Variants in SOX6 observed in about 807,000 individuals in gnomAD.
SOX6 encodes SRY-box transcription factor 6.
A neutral mutation model predicts 97.8 loss-of-function variants in SOX6; 11 were observed. The observed-to-expected ratio is 0.11, with a 90% CI of 0.07 to 0.19. The LOEUF (loss-of-function observed/expected upper bound fraction) is 0.19. Among genes scored for constraint, SOX6 ranks in the 10% least tolerant of loss-of-function variants. The pLI is 1.00. For synonymous variants in SOX6, 360 were observed against 371.4 expected, an observed-to-expected ratio of 0.97 and a Z score of 0.35; for missense variants, 810 against 1,039.5, an observed-to-expected ratio of 0.78 and a Z score of 3.04.
chr11:16,737,756 C>G (rs1177031908), intron 1 of SOX6, among the ~76,000 whole-genome samples: 4 of 152,050 alleles, frequency 2.6e-5, no homozygotes, highest in Non-Finnish European at 5.9e-5. Flanking sequence ...TGCTAACGGG[C>G]ATTGGGGTTC....
At chr11:16,118,569 T>C (rs1168058292) in intron 6 of SOX6, among the ~76,000 whole-genome samples, 1 of 152,226 alleles carries the variant, frequency 6.6e-6, no homozygotes, top group East Asian at 1.9e-4. Context: ...ACTGGCCTGA[T>C]ATCTTGTGAG....
intron 3 of SOX6, among the ~76,000 whole-genome samples, chr11:16,640,358 G>C (rs1486591067): frequency 2.0e-5 from 3 of 152,148 alleles, no homozygotes; most frequent in African/African-American, 7.2e-5. Context: ...CAGGGATATT[G>C]GTCTAAAATT....
rs962682835 is a variant in SOX6, at chr11:15,972,634, C to T, written c.*175G>A. On this transcript the variant is annotated 3_prime_UTR_variant, in exon 16 of 16. Coordinates refer to ENST00000683767, the MANE Select transcript of SOX6 (RefSeq NM_001367873.1). The stretch of plus-strand genomic sequence containing the variant: ...CAACAATAACAATAACAACAAAAAA[C>T]TCAAGTTCATGAAAAATCAGGGAAA... 1 of 678,098 alleles carries T rather than the reference C, an allele frequency of 1.5e-6. No individual in the cohort carries two copies. Among genetic ancestry groups the T allele is most frequent in the Admixed American group, 2.9e-5 (1 of 34,896 alleles). The allele number at this position is 678,098 out of a possible 1,614,324, so 42.0% of individuals were successfully genotyped here.
intron 15 of SOX6, among the ~76,000 whole-genome samples, chr11:15,982,374 A>G (rs568652731): frequency 1.3e-5 from 2 of 152,198 alleles, no homozygotes; most frequent in South Asian, 4.1e-4. Context: ...CACTCAGCAG[A>G]GTACACAGCA....
chr11:16,467,443 A>G (rs1450883534), intron 1 of SOX6, among the ~76,000 whole-genome samples: 1 of 152,238 alleles, frequency 6.6e-6, no homozygotes. Context: ...CACACTATGG[A>G]ATACTATGCA....
At chr11:16,352,887 TG>T (rs1036129258) in intron 1 of SOX6, among the ~76,000 whole-genome samples, 6 of 152,060 alleles carry the variant, frequency 3.9e-5, no homozygotes, top group African/African-American at 1.4e-4. Flanking sequence ...ACTGTCATTC[TG>T]GGCAATTTGA....
chr11:16,095,849 G>C, intron 9 of SOX6, 147 bp downstream of exon 9: 1 of 914,126 alleles, frequency 1.1e-6, no homozygotes, highest in Non-Finnish European at 1.6e-6. Flanking sequence ...CAAAAGAAGA[G>C]CCTCCTTAGG....
chr11:16,190,090 A>G (rs1182252299), intron 4 of SOX6, among the ~76,000 whole-genome samples: 1 of 152,202 alleles, frequency 6.6e-6, no homozygotes, highest in Admixed American at 6.5e-5. Context: ...AAAGATTTAT[A>G]AATGCATTGG....
chr11:16,486,861 C>G (rs1339278608), intron 4 of SOX6, among the ~76,000 whole-genome samples: 1 of 151,698 alleles, frequency 6.6e-6, no homozygotes, highest in African/African-American at 2.4e-5. Flanking sequence ...ATTAAATGTG[C>G]ACATGTACCC....
intron 6 of SOX6, among the ~76,000 whole-genome samples, chr11:16,182,730 C>A (rs1190605266): frequency 1.3e-5 from 2 of 151,764 alleles, no homozygotes; most frequent in Non-Finnish European, 2.9e-5. Context: ...AATAGCTGGA[C>A]AAAATGCCAA....
Position 16,377,257 on chromosome 11 carries a change from G to A in SOX6, c.-4-36005C>T, listed in dbSNP as rs77926809. Among the ~76,000 whole-genome samples, 31 of 152,164 alleles carry A rather than the reference G, an allele frequency of 2.0e-4. No individual in the cohort carries two copies. In the East Asian group the frequency reaches 4.4e-3, roughly 22 times the overall value. ...AAACTGCAGGAACCAGGGTAAAGCC[G>A]TTTACCTGTTAGCTTCTTACTGTAC... On this transcript the variant is annotated intron_variant, in intron 1 of 15. Coordinates refer to the SOX6 transcript ENST00000396356.
chr11:16,604,960 C>T (rs1035410496), intron 4 of SOX6, among the ~76,000 whole-genome samples: 13 of 152,150 alleles, frequency 8.5e-5, no homozygotes, highest in African/African-American at 2.7e-4. Flanking sequence ...TCAGCAGCCC[C>T]GGGCCGCTCC....
intron 12 of SOX6, among the ~76,000 whole-genome samples, chr11:16,038,091 C>A (rs1855563860): frequency 1.3e-5 from 2 of 152,050 alleles, no homozygotes; most frequent in South Asian, 2.1e-4. Flanking sequence ...ATTGACATAG[C>A]ATTTATGTTG....
intron 2 of SOX6, among the ~76,000 whole-genome samples, chr11:16,720,732 AAAAG>A (rs1428937198): frequency 1.3e-5 from 2 of 152,174 alleles, no homozygotes; most frequent in African/African-American, 2.4e-5. Context: ...AAAAGAAAAA[AAAAG>A]AAATACTGAT....
At chr11:16,037,640 G>A (rs1357898546) in intron 12 of SOX6, among the ~76,000 whole-genome samples, 4 of 152,112 alleles carry the variant, frequency 2.6e-5, no homozygotes, top group African/African-American at 7.2e-5. Context: ...GGACACCAAG[G>A]CTCAAGGAAG....
At chr11:16,703,386 G>A (rs572597522) in intron 3 of SOX6, among the ~76,000 whole-genome samples, 11 of 151,808 alleles carry the variant, frequency 7.2e-5, no homozygotes, top group South Asian at 2.1e-4. Context: ...TTAAATTTTC[G>A]TTTAACTAAA....
intron 4 of SOX6, among the ~76,000 whole-genome samples, chr11:16,561,649 T>C (rs551906115): frequency 6.6e-6 from 1 of 152,286 alleles, no homozygotes; most frequent in South Asian, 2.1e-4. Flanking sequence ...GGCAGGAGTT[T>C]TCAATGTATG....
rs190910040 is a variant in SOX6 at position 16,728,111 on chromosome 11, C to T, written n.353+8228G>A. Reference sequence around the variant, plus strand: ...AGTGAGGGGCTTATAGATAAAATTCCCATCTCCCTGGGACAGAACACCTGG... The same window carrying T: ...AGTGAGGGGCTTATAGATAAAATTCTCATCTCCCTGGGACAGAACACCTGG... On this transcript the variant is annotated intron_variant and non_coding_transcript_variant, in intron 2 of 5. Transcript: ENST00000524520. Among the ~76,000 whole-genome samples, 470 of 152,270 alleles carry T rather than the reference C, an allele frequency of 3.1e-3. 1 individual carries two copies. The highest frequency in any genetic ancestry group is 6.8e-3 in the Middle Eastern group (2 of 294).
chr11:16,400,134 G>C (rs1449603731), intron 1 of SOX6, among the ~76,000 whole-genome samples: 1 of 151,298 alleles, frequency 6.6e-6, no homozygotes, highest in African/African-American at 2.4e-5. Flanking sequence ...CGAATATGAG[G>C]AACAAAAACA....
Sources: allele counts gnomAD v4.1 joint callset (sites outside exome capture counted in the v4.1 genomes callset), GRCh38; gene constraint gnomAD v4.1.1; transcripts MANE v1.5; gene names NCBI Gene and HGNC (gene_info 2026-07-23, HGNC 2026-07-21).